PLEKHM3: variants seen among roughly 807,000 people sequenced by gnomAD.
The protein encoded by PLEKHM3 is pleckstrin homology domain-containing family M member 3.
Under a neutral mutation model 81.8 loss-of-function variants are expected in PLEKHM3, and 45 were observed. That is an observed-to-expected ratio of 0.55 (90% CI 0.43 to 0.71). The LOEUF (loss-of-function observed/expected upper bound fraction) is 0.71, where lower values mean the gene tolerates loss of function less well. Among genes scored for constraint, PLEKHM3 ranks in the 30% least tolerant of loss-of-function variants. The pLI is 0.00. For synonymous variants in PLEKHM3, 352 were observed against 356.4 expected, an observed-to-expected ratio of 0.99 and a Z score of 0.14; for missense variants, 788 against 924.3, an observed-to-expected ratio of 0.85 and a Z score of 1.91.
chr2:208,024,692 C>G (rs1693261815), intron 1 of PLEKHM3, among the ~76,000 whole-genome samples: 1 of 152,174 alleles, frequency 6.6e-6, no homozygotes. Flanking sequence ...TCAGCTGTTT[C>G]TCTCTGGTCC....
intron 5 of PLEKHM3, among the ~76,000 whole-genome samples, chr2:207,916,214 C>T (rs771327533): frequency 1.3e-5 from 2 of 152,088 alleles, no homozygotes; most frequent in Non-Finnish European, 2.9e-5. Context: ...AATAAGGGTC[C>T]TTTTACCTGC....
chr2:207,947,578 A>G (rs761260323), intron 3 of PLEKHM3, among the ~76,000 whole-genome samples: 56 of 152,270 alleles, frequency 3.7e-4, no homozygotes, highest in Non-Finnish European at 7.6e-4. Context: ...TCTGGTCTAC[A>G]GCTTTCATTT....
At chr2:207,896,155 T>A (rs1688216214) in intron 6 of PLEKHM3, among the ~76,000 whole-genome samples, 1 of 152,206 alleles carries the variant, frequency 6.6e-6, no homozygotes, top group South Asian at 2.1e-4. Context: ...AATCACAGAA[T>A]GAGGGCCCTA....
At chr2:207,941,999 G>T (rs569750417) in intron 4 of PLEKHM3, among the ~76,000 whole-genome samples, 1 of 152,292 alleles carries the variant, frequency 6.6e-6, no homozygotes, top group South Asian at 2.1e-4. Flanking sequence ...AAAAGGGAAT[G>T]AATGCTCAGA....
chr2:207,889,432 T>C (rs945909504), intron 6 of PLEKHM3, among the ~76,000 whole-genome samples: 1 of 89,778 alleles, frequency 1.1e-5, no homozygotes, highest in African/African-American at 3.8e-5. Context: ...GAGGTTTTTT[T>C]CAACACACAC....
intron 1 of PLEKHM3, among the ~76,000 whole-genome samples, chr2:208,002,821 T>C (rs1692356349): frequency 6.6e-6 from 1 of 152,042 alleles, no homozygotes; most frequent in Admixed American, 6.6e-5. Context: ...ATTATGACCA[T>C]TCAAACTTAA....
At chr2:208,000,988 GAAA>G (rs77301165) in intron 2 of PLEKHM3, 39 bp downstream of exon 2, 111 of 1,141,296 alleles carry the variant, frequency 9.7e-5, no homozygotes, top group South Asian at 1.5e-4. Context: ...GCCCCAAAAA[GAAA>G]AAAAAAAAAA....
rs540934662 is a variant in PLEKHM3 at position 207,970,061 on chromosome 2, G to A, written c.1546+6590C>T. Among the ~76,000 whole-genome samples the A allele has an allele frequency of 7.2e-5, 11 of 152,140 alleles. No homozygotes were observed. The South Asian group carries it at 2.1e-3, about 29-fold the overall frequency. The stretch of plus-strand genomic sequence containing the variant: ...TGCTGTTCAGGCTTAAACAGAGTAC[G>A]GGGAGAGGAAGTTAGCTACAAAGAT... On this transcript the variant is annotated intron_variant, in intron 3 of 7. Transcript: ENST00000427836.
At chr2:207,857,858 C>G (rs763958117) in intron 7 of PLEKHM3, among the ~76,000 whole-genome samples, 2 of 151,170 alleles carry the variant, frequency 1.3e-5, no homozygotes, top group Non-Finnish European at 2.9e-5. Flanking sequence ...TTCCTTCCTT[C>G]TGCTTGCTTT....
intron 3 of PLEKHM3, among the ~76,000 whole-genome samples, chr2:207,975,538 G>A (rs1429931445): frequency 1.5e-5 from 2 of 132,804 alleles, no homozygotes; most frequent in Non-Finnish European, 3.2e-5. Context: ...ATTTTATTTA[G>A]TTTATAACAG....
chr2:207,837,421 T>C (rs926414392), intron 7 of PLEKHM3, among the ~76,000 whole-genome samples: 7 of 151,892 alleles, frequency 4.6e-5, no homozygotes, highest in Non-Finnish European at 8.8e-5. Context: ...GCCAACACGG[T>C]GAAACCCCGT....
In PLEKHM3 at chr2:207,995,178, T is replaced by C. The variant is rs532235399; in HGVS notation, c.610+5852A>G. Among the ~76,000 whole-genome samples, 291 of 152,308 alleles carry C rather than the reference T, an allele frequency of 1.9e-3. 1 individual carries two copies. Among genetic ancestry groups the C allele is most frequent in the African/African-American group, 6.7e-3 (280 of 41,558 alleles). ...TCCTTTTGCAGATTCATTGGTCTCCTAAGAAACTGTGACCGGCTCTGTGTC... is the reference window on the plus strand; with the variant it reads ...TCCTTTTGCAGATTCATTGGTCTCCCAAGAAACTGTGACCGGCTCTGTGTC... On this transcript the variant is annotated intron_variant, in intron 2 of 7. Transcript: ENST00000427836.
intron 6 of PLEKHM3, among the ~76,000 whole-genome samples, chr2:207,899,489 T>C (rs1395172137): frequency 6.6e-6 from 1 of 152,166 alleles, no homozygotes; most frequent in Non-Finnish European, 1.5e-5. Context: ...TCCTGATACA[T>C]AGTACATGCT....
At chr2:207,877,869 T>C (rs1334838693) in intron 6 of PLEKHM3, among the ~76,000 whole-genome samples, 1 of 152,154 alleles carries the variant, frequency 6.6e-6, no homozygotes, top group African/African-American at 2.4e-5. Context: ...AATAATGACA[T>C]CAACAACAAC....
At position 208,001,497 on chromosome 2, in the gene PLEKHM3, T is replaced by C. The variant is rs759718722; in HGVS notation, c.143A>G (p.His48Arg). 1.2e-6 allele frequency: 2 copies of C among 1,614,222 alleles called. No individual in the cohort carries two copies. The highest frequency in any genetic ancestry group is 1.7e-6 in the Non-Finnish European group (2 of 1,180,022). Residue 48 changes from histidine (H) to arginine (R), a missense_variant, in exon 2 of 8, where the codon CAT (histidine) becomes CGT (arginine). Coordinates refer to ENST00000427836, the MANE Select transcript of PLEKHM3 (RefSeq NM_001080475.3). ...GTCTGTTATGTTACTGAGTACCTCA[T>C]GCCCCACCAGTTCAGGGACTTCCTG... The part of the protein sequence containing the change: ...GIQEVPELVG[H>R]EVLSNITDNG...
chr2:207,894,311 T>C (rs1688152315), intron 6 of PLEKHM3, among the ~76,000 whole-genome samples: 1 of 152,164 alleles, frequency 6.6e-6, no homozygotes, highest in Non-Finnish European at 1.5e-5. Context: ...GTGGCACCAG[T>C]TGAAACTGAC....
chr2:207,883,224 C>T (rs1687759507), intron 6 of PLEKHM3, among the ~76,000 whole-genome samples: 1 of 152,156 alleles, frequency 6.6e-6, no homozygotes, highest in Admixed American at 6.5e-5. Context: ...AAAACCATGG[C>T]TGGTGCAATA....
At chr2:207,928,998 C>T (rs993623772) in intron 5 of PLEKHM3, among the ~76,000 whole-genome samples, 8 of 152,194 alleles carry the variant, frequency 5.3e-5, no homozygotes, top group African/African-American at 1.9e-4. Context: ...CTCCCCAAAA[C>T]TGAGCTACTA....
intron 6 of PLEKHM3, among the ~76,000 whole-genome samples, chr2:207,887,439 A>C (rs1337293155): frequency 6.6e-6 from 1 of 152,248 alleles, no homozygotes; most frequent in Non-Finnish European, 1.5e-5. Flanking sequence ...CTTAACTGTA[A>C]GTCACTATTT....
Sources: gnomAD v4.1 joint callset for allele counts (sites outside exome capture counted in the v4.1 genomes callset) on GRCh38, gnomAD v4.1.1 for gene constraint, MANE v1.5 for transcripts, NCBI Gene and HGNC (gene_info 2026-07-23, HGNC 2026-07-21) for gene names.